Variants in ATP13A3 observed in about 807,000 individuals in gnomAD.
ATP13A3 encodes ATPase 13A3.
In ATP13A3, 59 loss-of-function variants were observed where a neutral mutation model predicts 158.1. That is an observed-to-expected ratio of 0.37 (90% CI 0.30 to 0.46). The LOEUF is 0.46. Ranked by LOEUF, ATP13A3 falls within the 20% of genes least tolerant of loss-of-function variation. The probability of loss-of-function intolerance (pLI) is 1.00; values close to 1 mark genes in which losing one functional copy is unlikely to be tolerated. For synonymous variants in ATP13A3, 491 were observed against 504.3 expected (o/e 0.97, Z 0.35); for missense variants, 1,166 against 1,525.2 (o/e 0.76, Z 3.92).
chr3:194,457,026 G>A (rs1719279149), intron 7 of ATP13A3, 68 bp downstream of exon 7: 4 of 1,107,598 alleles, frequency 3.6e-6, no homozygotes, highest in Non-Finnish European at 5.4e-6. Flanking sequence ...TATGGTAAAG[G>A]GTTGATTATG....
At chr3:194,412,575 T>C (rs1649427365) in intron 32 of ATP13A3, 1 of 358,616 alleles carries the variant, frequency 2.8e-6, no homozygotes. Flanking sequence ...CTTATGTAAT[T>C]TGAAGTCTTT....
rs115984476 is a variant in ATP13A3 at position 194,480,239 on chromosome 3, C to A, written c.-47+5555G>T. Among the ~76,000 whole-genome samples the A allele has an allele frequency of 5.1e-3, 770 of 152,318 alleles. 6 individuals are homozygous for A. Among genetic ancestry groups the A allele is most frequent in the African/African-American group, 0.016 (679 of 41,578 alleles). On this transcript the variant is annotated intron_variant, in intron 2 of 33. Coordinates refer to ENST00000645319, the MANE Select transcript of ATP13A3 (RefSeq NM_001367549.1). ...GGTTCAGTGACTTACTTAACCCAGA[C>A]TACAAGACTGGTATGTGACAGAGCT... is the stretch of plus-strand genomic sequence containing the variant.
At chr3:194,493,463 A>G (rs1445415847) in intron 2 of ATP13A3, among the ~76,000 whole-genome samples, 1 of 152,104 alleles carries the variant, frequency 6.6e-6, no homozygotes, top group Non-Finnish European at 1.5e-5. Context: ...CCTGGCCAAC[A>G]TAATGAAACC....
Position 194,415,661 on chromosome 3 carries a change from C to CTGTTTTTTTTTTTTTTTT in ATP13A3, c.3403-1823_3403-1822insAAAAAAAAAAAAAAAACA, listed in dbSNP as rs1208643552. On this transcript the variant is annotated intron_variant, in intron 31 of 33. Coordinates refer to ENST00000645319, the MANE Select transcript of ATP13A3 (RefSeq NM_001367549.1). ...GTGCAAGGATTTACAATACCACATT[C>CTGTTTTTTTTTTTTTTTT]TTTTTTTTTTTTTTTTTTTTTTTTT... Among the ~76,000 whole-genome samples, 8 of 90,928 alleles carry CTGTTTTTTTTTTTTTTTT rather than the reference C, an allele frequency of 8.8e-5. No individual in the cohort carries two copies. In the East Asian group the frequency reaches 9.6e-4, roughly 11 times the overall value. The allele number at this position is 90,928 out of a possible 152,430, so 59.7% of individuals were successfully genotyped here. A position where few individuals can be genotyped will look rare whatever the true frequency, so the allele number is the denominator to read the frequency against.
intron 2 of ATP13A3, among the ~76,000 whole-genome samples, chr3:194,464,003 A>C (rs1577083184): frequency 6.6e-6 from 1 of 152,158 alleles, no homozygotes; most frequent in African/African-American, 2.4e-5. Flanking sequence ...CTTTACAAAA[A>C]TACAAAAATT....
intron 16 of ATP13A3, among the ~76,000 whole-genome samples, chr3:194,440,779 T>G (rs1387585118): frequency 6.6e-6 from 1 of 152,186 alleles, no homozygotes; most frequent in Non-Finnish European, 1.5e-5. Context: ...TGACTTTGTA[T>G]TTATAAAAGA....
At chr3:194,447,362 G>A (rs535851314) in intron 13 of ATP13A3, among the ~76,000 whole-genome samples, 3 of 152,154 alleles carry the variant, frequency 2.0e-5, no homozygotes, top group African/African-American at 7.2e-5. Context: ...TTTTCAAGGC[G>A]CTACATACTT....
intron 14 of ATP13A3, among the ~76,000 whole-genome samples, chr3:194,445,321 G>GA (rs1718330207): frequency 6.6e-6 from 1 of 152,106 alleles, no homozygotes; most frequent in Non-Finnish European, 1.5e-5. Flanking sequence ...GATTCTGACT[G>GA]AAAAATCAAC....
At chr3:194,459,282 C>T in intron 6 of ATP13A3, 189 bp downstream of exon 6, 1 of 557,534 alleles carries the variant, frequency 1.8e-6, no homozygotes, top group African/African-American at 1.9e-5. Flanking sequence ...ATGGTGCAAG[C>T]TGCGGTGGGA....
intron 2 of ATP13A3, among the ~76,000 whole-genome samples, chr3:194,483,094 A>C (rs927663442): frequency 6.7e-6 from 1 of 148,386 alleles, no homozygotes; most frequent in Admixed American, 6.7e-5. Flanking sequence ...ATGACAGTAC[A>C]AGACTCCGTC....
intron 21 of ATP13A3, among the ~76,000 whole-genome samples, chr3:194,432,229 C>T (rs1439992126): frequency 6.6e-6 from 1 of 152,208 alleles, no homozygotes. Flanking sequence ...TCAATAAATA[C>T]TTACCGAAAT....
chr3:194,480,750 T>C (rs1481959981), intron 2 of ATP13A3, among the ~76,000 whole-genome samples: 1 of 152,148 alleles, frequency 6.6e-6, no homozygotes, highest in African/African-American at 2.4e-5. Context: ...ATTCAACTAC[T>C]TACACTCTGG....
At chr3:194,434,034 T>C in intron 20 of ATP13A3, 138 bp from the exon 21 acceptor site, 1 of 919,654 alleles carries the variant, frequency 1.1e-6, no homozygotes, top group South Asian at 1.9e-5. Flanking sequence ...AATGAAAACA[T>C]TTTATATGCT....
chr3:194,462,686 T>G (rs1475200412), intron 2 of ATP13A3, among the ~76,000 whole-genome samples: 1 of 152,194 alleles, frequency 6.6e-6, no homozygotes, highest in Non-Finnish European at 1.5e-5. Context: ...TTGTTTAAAT[T>G]TGAATTCTTC....
upstream of ATP13A3, among the ~76,000 whole-genome samples, chr3:194,489,180 CA>C: frequency 6.6e-6 from 1 of 152,358 alleles, no homozygotes; most frequent in East Asian, 1.9e-4. The surrounding 1 kb of genome is among the most constrained non-coding windows in gnomAD (Gnocchi z 4.1). Context: ...CGCAGTGGCT[CA>C]TGCCTGTAAT....
intron 2 of ATP13A3, among the ~76,000 whole-genome samples, chr3:194,466,573 G>C (rs1034743647): frequency 6.6e-6 from 1 of 152,198 alleles, no homozygotes; most frequent in African/African-American, 2.4e-5. Context: ...CCATGAGTTT[G>C]ATAACTGCTA....
intron 15 of ATP13A3, among the ~76,000 whole-genome samples, chr3:194,443,083 A>T (rs928944979): frequency 1.3e-5 from 2 of 152,156 alleles, no homozygotes; most frequent in Admixed American, 6.5e-5. Flanking sequence ...AAATGAATGT[A>T]GTTACAGAAG....
chr3:194,442,558 G>GC (rs894985033), intron 15 of ATP13A3, among the ~76,000 whole-genome samples: 1 of 152,190 alleles, frequency 6.6e-6, no homozygotes, highest in African/African-American at 2.4e-5. Context: ...CACTGTAGAT[G>GC]CGAGAGTAGG....
chr3:194,464,918 G>A (rs927372835), intron 2 of ATP13A3, among the ~76,000 whole-genome samples: 2 of 152,114 alleles, frequency 1.3e-5, no homozygotes, highest in Non-Finnish European at 2.9e-5. Context: ...CATCCCATGG[G>A]GTCATTTTTG....
Sources: gnomAD v4.1 joint callset for allele counts (sites outside exome capture counted in the v4.1 genomes callset) on GRCh38, gnomAD v4.1.1 for gene constraint, Gnocchi (gnomAD v3.1) non-coding constraint, MANE v1.5 for transcripts, NCBI Gene and HGNC (gene_info 2026-07-23, HGNC 2026-07-21) for gene names.